Variants in HS6ST3 observed in about 807,000 individuals in gnomAD.
HS6ST3 encodes the protein heparan-sulfate 6-O-sulfotransferase 3.
In HS6ST3, 12 loss-of-function variants were observed where a neutral mutation model predicts 36.7. The ratio of observed to expected loss-of-function variants is 0.33; its 90% CI spans 0.21 to 0.53. HS6ST3 has a LOEUF of 0.53. HS6ST3 is among the 20% of genes least tolerant of loss of function. The pLI is 0.95. For missense variants in HS6ST3, 584 were observed against 640.9 expected (o/e 0.91, Z 0.96); for synonymous variants, 240 against 257.5 (o/e 0.93, Z 0.65).
chr13:96,544,752 C>A (rs1391358180), intron 1 of HS6ST3, among the ~76,000 whole-genome samples: 1 of 152,126 alleles, frequency 6.6e-6, no homozygotes, highest in African/African-American at 2.4e-5. Context: ...TTCCGAAGTG[C>A]CGTCCTCTCT....
At chr13:96,696,756 A>C (rs1442713776) in intron 1 of HS6ST3, among the ~76,000 whole-genome samples, 1 of 152,186 alleles carries the variant, frequency 6.6e-6, no homozygotes. Flanking sequence ...ACCTGGAAAG[A>C]ATTAGGACAG....
At chr13:96,397,253 A>G (rs1451773166) in intron 1 of HS6ST3, among the ~76,000 whole-genome samples, 2 of 152,116 alleles carry the variant, frequency 1.3e-5, no homozygotes, top group Non-Finnish European at 2.9e-5. Flanking sequence ...AGATTAAATA[A>G]TTTACAATAT....
At chr13:96,158,604 G>C (rs996740207) in intron 1 of HS6ST3, among the ~76,000 whole-genome samples, 2 of 132,146 alleles carry the variant, frequency 1.5e-5, no homozygotes, top group African/African-American at 5.8e-5. Context: ...AGTGAGCCAT[G>C]ATCGCGCCAT....
intron 1 of HS6ST3, among the ~76,000 whole-genome samples, chr13:96,801,747 T>G (rs1338538949): frequency 6.6e-6 from 1 of 152,074 alleles, no homozygotes; most frequent in Non-Finnish European, 1.5e-5. Context: ...AAACGTGCAA[T>G]CTTATATTTC....
intron 1 of HS6ST3, among the ~76,000 whole-genome samples, chr13:96,699,029 G>C (rs1301360097): frequency 7.2e-5 from 11 of 152,300 alleles, no homozygotes; most frequent in Non-Finnish European, 1.3e-4. Flanking sequence ...AATGCTGCTG[G>C]GAAAACTGGC....
At chr13:96,425,192 G>C (rs1354218944) in intron 1 of HS6ST3, among the ~76,000 whole-genome samples, 1 of 152,222 alleles carries the variant, frequency 6.6e-6, no homozygotes, top group Non-Finnish European at 1.5e-5. Flanking sequence ...CATGGCACCA[G>C]CCTCTTAGAT....
intron 1 of HS6ST3, among the ~76,000 whole-genome samples, chr13:96,241,614 A>C (rs1313654987): frequency 6.6e-6 from 1 of 151,558 alleles, no homozygotes; most frequent in African/African-American, 2.4e-5. Flanking sequence ...ATTCAATAAA[A>C]ATTAAATTTA....
intron 1 of HS6ST3, among the ~76,000 whole-genome samples, chr13:96,428,311 A>C (rs577986592): frequency 2.8e-4 from 43 of 152,320 alleles, no homozygotes; most frequent in African/African-American, 7.9e-4. Flanking sequence ...GCACCACTGC[A>C]CTCCAGCCTG....
chr13:96,630,269 T>C (rs1234434182), intron 1 of HS6ST3, among the ~76,000 whole-genome samples: 1 of 152,128 alleles, frequency 6.6e-6, no homozygotes, highest in Non-Finnish European at 1.5e-5. Context: ...AAATTGTAAT[T>C]TCCTTGTTTT....
chr13:96,702,803 C>T (rs1020612513), intron 1 of HS6ST3, among the ~76,000 whole-genome samples: 5 of 152,128 alleles, frequency 3.3e-5, no homozygotes, highest in Admixed American at 3.3e-4. Context: ...GTTCACAAGG[C>T]ATATTAGCTG....
intron 1 of HS6ST3, among the ~76,000 whole-genome samples, chr13:96,416,726 G>C (rs1364974771): frequency 6.9e-6 from 1 of 145,916 alleles, no homozygotes; most frequent in Non-Finnish European, 1.5e-5. Flanking sequence ...TTGCCTGCTT[G>C]CTTATCAGCA....
intron 1 of HS6ST3, among the ~76,000 whole-genome samples, chr13:96,150,703 C>G (rs1039538388): frequency 1.6e-4 from 25 of 152,010 alleles, no homozygotes; most frequent in African/African-American, 6.0e-4. Context: ...CCGTAGGTCC[C>G]CTGTGACTTT....
chr13:96,383,579 C>T (rs1165879150), intron 1 of HS6ST3, among the ~76,000 whole-genome samples: 1 of 152,190 alleles, frequency 6.6e-6, no homozygotes. Context: ...AGCTGAGGGA[C>T]AGCAGGGTTT....
At chr13:96,469,815 C>T (rs1279140873) in intron 1 of HS6ST3, among the ~76,000 whole-genome samples, 3 of 152,024 alleles carry the variant, frequency 2.0e-5, no homozygotes, top group African/African-American at 4.8e-5. Context: ...ATGGCAGTGA[C>T]TTAAAAGCAT....
intron 1 of HS6ST3, among the ~76,000 whole-genome samples, chr13:96,560,226 A>G (rs1313504573): frequency 6.6e-6 from 1 of 152,232 alleles, no homozygotes; most frequent in African/African-American, 2.4e-5. Flanking sequence ...ATTAGTGGCC[A>G]TGTGTTAGAC....
chr13:96,831,149 A>G (rs1163228006), intron 1 of HS6ST3, among the ~76,000 whole-genome samples: 1 of 152,032 alleles, frequency 6.6e-6, no homozygotes, highest in Non-Finnish European at 1.5e-5. Flanking sequence ...CAACTTCTCC[A>G]TCTCCCTTCC....
intron 1 of HS6ST3, among the ~76,000 whole-genome samples, chr13:96,493,062 C>T (rs2055954628): frequency 6.6e-6 from 1 of 152,192 alleles, no homozygotes; most frequent in African/African-American, 2.4e-5. Flanking sequence ...TTGCCCTTCA[C>T]TTGGCTTCCC....
chr13:96,786,457 C>G (rs1877652408), intron 1 of HS6ST3, among the ~76,000 whole-genome samples: 1 of 152,058 alleles, frequency 6.6e-6, no homozygotes, highest in Admixed American at 6.6e-5. Flanking sequence ...TTCCCCAGAC[C>G]CTGGCATACA....
chr13:96,719,557 T>C (rs1875794083), intron 1 of HS6ST3, among the ~76,000 whole-genome samples: 3 of 152,270 alleles, frequency 2.0e-5, no homozygotes, highest in South Asian at 4.1e-4. Flanking sequence ...AGGAGAGTAT[T>C]GGTGATATGT....
Sources: allele counts gnomAD v4.1 joint callset (sites outside exome capture counted in the v4.1 genomes callset), GRCh38; gene constraint gnomAD v4.1.1; transcripts MANE v1.5; gene names NCBI Gene and HGNC (gene_info 2026-07-23, HGNC 2026-07-21).